ARSJ: variants seen among roughly 807,000 people sequenced by gnomAD.
The protein encoded by ARSJ is arylsulfatase J.
In ARSJ, 26 loss-of-function variants were observed where a neutral mutation model predicts 35.9. The observed-to-expected ratio is 0.72, with a 90% CI of 0.53 to 1.00. ARSJ has a LOEUF of 1.00. ARSJ is among the 50% of genes least tolerant of loss of function. The probability of loss-of-function intolerance (pLI) is 0.00; values close to 1 mark genes in which losing one functional copy is unlikely to be tolerated. For missense variants in ARSJ, 667 were observed against 723.6 expected, an observed-to-expected ratio of 0.92 and a Z score of 0.90; for synonymous variants, 294 against 267.6, an observed-to-expected ratio of 1.10 and a Z score of -0.96.
intron 1 of ARSJ, among the ~76,000 whole-genome samples, chr4:113,926,573 G>C (rs971070159): frequency 1.3e-5 from 2 of 152,072 alleles, no homozygotes. Flanking sequence ...AGGAAGGCAG[G>C]GTGGCAGGAG....
intron 1 of ARSJ, among the ~76,000 whole-genome samples, chr4:113,956,531 T>C (rs538746952): frequency 9.2e-5 from 14 of 152,072 alleles, no homozygotes. Context: ...CCTATCTTTT[T>C]GAAGAGCTCA....
intron 1 of ARSJ, among the ~76,000 whole-genome samples, chr4:113,904,842 CA>C (rs1216873556): frequency 6.6e-6 from 1 of 152,196 alleles, no homozygotes; most frequent in Admixed American, 6.5e-5. Flanking sequence ...TCTGACTACA[CA>C]ATACATTATT....
rs1269648295 is a variant in ARSJ, at chr4:113,903,482, C to CA, written c.591dup (p.Gly198TrpfsTer16). 2 of 1,613,932 alleles carry CA rather than the reference C, an allele frequency of 1.2e-6. No individual in the cohort carries two copies. The highest frequency in any genetic ancestry group is 2.2e-5 in the East Asian group (1 of 44,878). On this transcript the variant is annotated frameshift_variant, in exon 2 of 2. Coordinates refer to ENST00000315366, the MANE Select transcript of ARSJ (RefSeq NM_024590.4). LOFTEE classifies it high-confidence loss of function. ...TAATCCCCACTTCCCAAAAGGGAAC[C>CA]AAAAAAGGTATCAAATCCTCTTCTG... is the stretch of plus-strand genomic sequence containing the variant.
intron 1 of ARSJ, among the ~76,000 whole-genome samples, chr4:113,938,278 G>C (rs1227531849): frequency 6.6e-6 from 1 of 151,978 alleles, no homozygotes; most frequent in Non-Finnish European, 1.5e-5. Flanking sequence ...ACAAAAACAA[G>C]CAATGGGAAA....
chr4:113,921,115 A>ACTCT (rs376522918), intron 1 of ARSJ, among the ~76,000 whole-genome samples: 1 of 141,198 alleles, frequency 7.1e-6, no homozygotes, highest in Non-Finnish European at 1.6e-5. Context: ...ACACACACAC[A>ACTCT]CACTTTAAAT....
chr4:113,966,898 C>T (rs1037423042), intron 1 of ARSJ, among the ~76,000 whole-genome samples: 1 of 152,148 alleles, frequency 6.6e-6, no homozygotes, highest in Non-Finnish European at 1.5e-5. Flanking sequence ...CATCCTCTTT[C>T]TCATCTATGG....
chr4:113,978,790 T>C lies in ARSJ; in HGVS notation c.45A>G (p.Pro15=). The C allele has an allele frequency of 1.2e-6, 2 of 1,613,726 alleles. No individual in the cohort carries two copies. Among genetic ancestry groups the C allele is most frequent in the South Asian group, 1.1e-5 (1 of 91,026 alleles). Residue 15 remains proline, a synonymous_variant, in exon 1 of 2, where the codon CCA becomes CCG. Coordinates refer to ENST00000315366, the MANE Select transcript of ARSJ (RefSeq NM_024590.4). ...TCTTTCCAGGACAGACACAGGCCTGTGGAGAAGGCGGAGGCGGATGCCCCG... is the reference window on the plus strand; with the variant it reads ...TCTTTCCAGGACAGACACAGGCCTGCGGAGAAGGCGGAGGCGGATGCCCCG... ...GCAGHPPPPS[P]QACVCPGKML...
chr4:113,958,537 C>G (rs901995118), intron 1 of ARSJ, among the ~76,000 whole-genome samples: 1 of 151,874 alleles, frequency 6.6e-6, no homozygotes, highest in Non-Finnish European at 1.5e-5. Context: ...GTCTTTGAAC[C>G]CCTAACTTTG....
intron 1 of ARSJ, among the ~76,000 whole-genome samples, chr4:113,951,021 A>C (rs1429167118): frequency 6.6e-6 from 1 of 152,106 alleles, no homozygotes; most frequent in South Asian, 2.1e-4. Flanking sequence ...AAATGCTTGA[A>C]GAAACAAATA....
chr4:113,978,793 A>AGAAGGC lies in ARSJ; in HGVS notation c.36_41dup (p.Ser14_Pro15dup). 1 of 1,613,442 alleles carries AGAAGGC rather than the reference A, an allele frequency of 6.2e-7. No individual in the cohort carries two copies. The highest frequency in any genetic ancestry group is 8.5e-7 in the Non-Finnish European group (1 of 1,179,652). On this transcript the variant is annotated inframe_insertion, in exon 1 of 2. Coordinates refer to ENST00000315366, the MANE Select transcript of ARSJ (RefSeq NM_024590.4). ...TTCCAGGACAGACACAGGCCTGTGG[A>AGAAGGC]GAAGGCGGAGGCGGATGCCCCGCAC...
chr4:113,977,432 A>C (rs1433105097), intron 1 of ARSJ, among the ~76,000 whole-genome samples: 1 of 152,220 alleles, frequency 6.6e-6, no homozygotes, highest in South Asian at 2.1e-4. Flanking sequence ...TCCAATGGAT[A>C]CTGGCTACTT....
intron 1 of ARSJ, among the ~76,000 whole-genome samples, chr4:113,907,253 T>C (rs962419311): frequency 3.3e-5 from 5 of 152,152 alleles, no homozygotes; most frequent in Non-Finnish European, 5.9e-5. Context: ...CCAGAAAAAT[T>C]TGAGAATGAT....
intron 1 of ARSJ, among the ~76,000 whole-genome samples, chr4:113,949,197 G>C (rs570830300): frequency 2.6e-5 from 4 of 151,876 alleles, no homozygotes; most frequent in Non-Finnish European, 5.9e-5. Context: ...TGGGGTGAGG[G>C]GCTAGGGGAG....
At chr4:113,977,743 A>C (rs189343773) in intron 1 of ARSJ, among the ~76,000 whole-genome samples, 3 of 152,350 alleles carry the variant, frequency 2.0e-5, no homozygotes, top group Admixed American at 2.0e-4. Context: ...TTAAGCATCC[A>C]AATAGTCTGA....
rs58081300 is a variant in ARSJ, at chr4:113,967,348, T to C, written c.398+11089A>G. Among the ~76,000 whole-genome samples, 2,043 of 152,290 alleles carry C rather than the reference T, an allele frequency of 0.013. 113 individuals are homozygous for C. In the East Asian group the frequency reaches 0.16, roughly 12 times the overall value. Reference sequence around the variant, plus strand: ...GGAGTAGTTGAGACTTTGGAAATACTCTTCTCTTTCTATTCAAAATAAATT... The same window carrying C: ...GGAGTAGTTGAGACTTTGGAAATACCCTTCTCTTTCTATTCAAAATAAATT... On this transcript the variant is annotated intron_variant, in intron 1 of 1. Coordinates refer to ENST00000315366, the MANE Select transcript of ARSJ (RefSeq NM_024590.4).
intron 1 of ARSJ, among the ~76,000 whole-genome samples, chr4:113,934,756 G>A (rs1186561876): frequency 6.6e-6 from 1 of 151,400 alleles, no homozygotes; most frequent in African/African-American, 2.4e-5. Flanking sequence ...ATATTTTCAG[G>A]GTACATGTGA....
chr4:113,916,937 A>G (rs1292436077), intron 1 of ARSJ, among the ~76,000 whole-genome samples: 1 of 152,198 alleles, frequency 6.6e-6, no homozygotes, highest in African/African-American at 2.4e-5. Flanking sequence ...AATCTAAAGG[A>G]ATATTCATGG....
chr4:113,966,221 T>C (rs1024725491), intron 1 of ARSJ, among the ~76,000 whole-genome samples: 1 of 152,134 alleles, frequency 6.6e-6, no homozygotes, highest in Non-Finnish European at 1.5e-5. Context: ...GTATATATAA[T>C]TCATGAATTT....
rs1218104234 is a variant in ARSJ, at chr4:113,902,742, T to G, written c.1332A>C (p.Ala444=). 6.2e-7 allele frequency: 1 copy of G among 1,614,224 alleles called. No homozygotes were observed. The highest frequency in any genetic ancestry group is 8.5e-7 in the Non-Finnish European group (1 of 1,180,038). The change falls in exon 2 of 2, where the codon GCA becomes GCC. Residue 444 remains alanine (A), a synonymous_variant. Coordinates refer to ENST00000315366, the MANE Select transcript of ARSJ (RefSeq NM_024590.4). ...WAAGYGIWNT[A]IQSAIRVQHW... is the part of the protein sequence containing the mutation. ...GCTGCACTCTGATGGCTGACTGGAT[T>G]GCAGTGTTCCAGATCCCATAGCCTG...
Sources: gnomAD v4.1 joint callset for allele counts (sites outside exome capture counted in the v4.1 genomes callset) on GRCh38, gnomAD v4.1.1 for gene constraint, MANE v1.5 for transcripts, NCBI Gene and HGNC (gene_info 2026-07-23, HGNC 2026-07-21) for gene names.